HIVEP3: variants seen among roughly 807,000 people sequenced by gnomAD.
HIVEP3 encodes the protein HIVEP zinc finger 3.
HIVEP3 carries 49 observed loss-of-function variants against 152.8 expected under a neutral mutation model. The observed-to-expected ratio is 0.32, with a 90% CI of 0.26 to 0.41. The LOEUF (loss-of-function observed/expected upper bound fraction) is 0.41, where lower values mean the gene tolerates loss of function less well. HIVEP3 is among the 10% of genes least tolerant of loss of function. The pLI, the probability that HIVEP3 is intolerant of heterozygous loss-of-function variation, is 1.00. For missense variants in HIVEP3, 2,790 were observed against 3,103.3 expected (o/e 0.90, Z 2.40); for synonymous variants, 1,269 against 1,289.0 (o/e 0.98, Z 0.33).
At chr1:41,929,724 T>TATATATATATATATATATA (rs1644986317) in intron 1 of HIVEP3, among the ~76,000 whole-genome samples, 1 of 30,542 alleles carries the variant, frequency 3.3e-5, no homozygotes, top group Admixed American at 4.0e-4. Flanking sequence ...GTATATGTGT[T>TATATATATATATATATATA]TTTATATATA....
At chr1:41,696,681 C>T (rs1236767520) in intron 2 of HIVEP3, among the ~76,000 whole-genome samples, 1 of 152,082 alleles carries the variant, frequency 6.6e-6, no homozygotes, top group East Asian at 1.9e-4. Flanking sequence ...GACAGACGGC[C>T]CTGTGCAGCA....
At chr1:41,913,710 G>GATAGTTTCAACATCTA (rs1644830380) in intron 1 of HIVEP3, among the ~76,000 whole-genome samples, 1 of 152,298 alleles carries the variant, frequency 6.6e-6, no homozygotes, top group African/African-American at 2.4e-5. Flanking sequence ...CTGATCTTAA[G>GATAGTTTCAACATCTA]ATAGTTTCAA....
intron 3 of HIVEP3, among the ~76,000 whole-genome samples, chr1:41,612,571 C>T (rs996382725): frequency 2.6e-5 from 4 of 152,222 alleles, no homozygotes; most frequent in Non-Finnish European, 4.4e-5. Context: ...TGGAAAGTGG[C>T]TGGGCTGGAT....
At chr1:41,633,327 G>A (rs142440783) in intron 2 of HIVEP3, among the ~76,000 whole-genome samples, 11 of 152,156 alleles carry the variant, frequency 7.2e-5, no homozygotes, top group Admixed American at 2.6e-4. Context: ...TAATCAGAGC[G>A]AAGCTAGCCT....
intron 3 of HIVEP3, among the ~76,000 whole-genome samples, chr1:41,603,621 A>G (rs1234883200): frequency 6.6e-6 from 1 of 152,140 alleles, no homozygotes. Flanking sequence ...TGGCCTCCCA[A>G]AGTGCTGGGA....
At position 41,581,184 on chromosome 1, in the gene HIVEP3, A is replaced by G; in HGVS notation, c.3614T>C (p.Leu1205Pro). 1 of 1,547,922 alleles carries G rather than the reference A, an allele frequency of 6.5e-7. No individual in the cohort carries two copies. The highest frequency in any genetic ancestry group is 8.7e-7 in the Non-Finnish European group (1 of 1,147,302). The change falls in exon 4 of 9, where the codon CTC becomes CCC. Residue 1205 changes from leucine (L) to proline (P), a missense_variant. Coordinates refer to ENST00000372583, the MANE Select transcript of HIVEP3 (RefSeq NM_024503.5). This position sits in a 1 kb window ranked among gnomAD's most constrained non-coding sequence, Gnocchi z 4.5. ...PTVLHPGQLH[L>P]PQLMPHPANI... ...GGCTGGGTGAGGCATGAGCTGGGGG[A>G]GATGGAGTTGGCCTGGGTGCAGAAC...
At chr1:41,752,170 C>G (rs1192059813) in intron 1 of HIVEP3, among the ~76,000 whole-genome samples, 2 of 152,178 alleles carry the variant, frequency 1.3e-5, no homozygotes, top group Non-Finnish European at 2.9e-5. Context: ...ACATCAGAAT[C>G]CAACGATCAG....
chr1:41,998,889 CT>C (rs1196185838), intron 1 of HIVEP3, among the ~76,000 whole-genome samples: 1,086 of 64,438 alleles, frequency 0.017, 1 homozygote, highest in Middle Eastern at 0.023. Flanking sequence ...TTCTCTCTCT[CT>C]TTTTTTTTTT....
At position 41,521,865 on chromosome 1, in the gene HIVEP3, G is replaced by A. The variant is rs528640497; in HGVS notation, c.5383+2870C>T. Among the ~76,000 whole-genome samples the A allele has an allele frequency of 7.2e-5, 11 of 152,358 alleles. No homozygotes were observed. In the South Asian group the frequency reaches 2.3e-3, roughly 32 times the overall value. On this transcript the variant is annotated intron_variant, in intron 6 of 8. Transcript: ENST00000372583. ...CTGAGGCGATCGGTGCAAGGGCCTG[G>A]ACATGGCACAGCCATCCGCTGGCCT... is the stretch of plus-strand genomic sequence containing the variant.
At chr1:41,926,535 A>C (rs926056654) in intron 1 of HIVEP3, among the ~76,000 whole-genome samples, 2 of 152,140 alleles carry the variant, frequency 1.3e-5, no homozygotes, top group Non-Finnish European at 2.9e-5. Flanking sequence ...GGAGGCTATG[A>C]CCTCAGTTTG....
At chr1:42,007,005 G>A (rs188387795) in intron 1 of HIVEP3, among the ~76,000 whole-genome samples, 27 of 152,372 alleles carry the variant, frequency 1.8e-4, no homozygotes, top group Admixed American at 1.6e-3. Flanking sequence ...AACTTCTGAT[G>A]AGTACTCTCA....
At chr1:41,570,975 T>A (rs1406536836) in intron 5 of HIVEP3, among the ~76,000 whole-genome samples, 1 of 152,132 alleles carries the variant, frequency 6.6e-6, no homozygotes, top group East Asian at 1.9e-4. Flanking sequence ...ACCTTAAGTC[T>A]GGGTATGCTT....
chr1:41,802,180 C>T (rs1459535572), intron 1 of HIVEP3, among the ~76,000 whole-genome samples: 1 of 152,226 alleles, frequency 6.6e-6, no homozygotes, highest in Non-Finnish European at 1.5e-5. Flanking sequence ...AACTTTCAGA[C>T]TCAGCTACTA....
At chr1:41,961,224 C>A (rs982112752) in intron 1 of HIVEP3, among the ~76,000 whole-genome samples, 1 of 152,186 alleles carries the variant, frequency 6.6e-6, no homozygotes, top group Admixed American at 6.5e-5. Flanking sequence ...TGGGCAGCTC[C>A]CTGCAATGCC....
At chr1:41,537,075 G>T (rs967177935) in intron 5 of HIVEP3, among the ~76,000 whole-genome samples, 3 of 152,148 alleles carry the variant, frequency 2.0e-5, no homozygotes, top group African/African-American at 7.2e-5. Flanking sequence ...GTCAATAGGG[G>T]CATGTCTGAC....
chr1:41,773,244 G>T (rs1230813082), intron 1 of HIVEP3, among the ~76,000 whole-genome samples: 1 of 152,200 alleles, frequency 6.6e-6, no homozygotes, highest in Non-Finnish European at 1.5e-5. Flanking sequence ...CAAGAGTGAA[G>T]TCACTTGCCA....
intron 1 of HIVEP3, among the ~76,000 whole-genome samples, chr1:41,774,996 T>C (rs1359555544): frequency 6.6e-6 from 1 of 151,922 alleles, no homozygotes; most frequent in Non-Finnish European, 1.5e-5. Flanking sequence ...TGAGATGGGG[T>C]TTCACGATGT....
chr1:41,964,686 T>C (rs1476783704), intron 1 of HIVEP3, among the ~76,000 whole-genome samples: 1 of 152,156 alleles, frequency 6.6e-6, no homozygotes, highest in African/African-American at 2.4e-5. Context: ...TTAGGTGGGA[T>C]CCAGATCCAT....
At position 41,865,331 on chromosome 1, in the gene HIVEP3, C is replaced by T. The variant is rs184796080; in HGVS notation, c.-801+53082G>A. ...TGAGCTGGACCCACTGTGCAGCCCA[C>T]CTGTCAAATGCCATTTGCCACCTCT... On this transcript the variant is annotated intron_variant, in intron 1 of 8. Coordinates refer to ENST00000372583, the MANE Select transcript of HIVEP3 (RefSeq NM_024503.5). 5.3e-5 allele frequency among the ~76,000 whole-genome samples: 8 copies of T among 152,334 alleles called. No individual in the cohort carries two copies. In the East Asian group the frequency reaches 1.5e-3, roughly 29 times the overall value.
Sources: gnomAD v4.1 joint callset for allele counts (sites outside exome capture counted in the v4.1 genomes callset) on GRCh38, gnomAD v4.1.1 for gene constraint, Gnocchi (gnomAD v3.1) non-coding constraint, MANE v1.5 for transcripts, NCBI Gene and HGNC (gene_info 2026-07-23, HGNC 2026-07-21) for gene names.